ASMTL: variants seen among roughly 807,000 people sequenced by gnomAD.
ASMTL encodes probable bifunctional dTTP/UTP pyrophosphatase/methyltransferase protein.
A neutral mutation model predicts 60.3 loss-of-function variants in ASMTL; 57 were observed. That is an observed-to-expected ratio of 0.95 (90% CI 0.76 to 1.18). The LOEUF (loss-of-function observed/expected upper bound fraction) is 1.18, where lower values mean the gene tolerates loss of function less well. ASMTL is among the 50% of genes most tolerant of loss of function. ASMTL has a pLI of 0.00. For missense variants in ASMTL, 981 were observed against 852.6 expected (o/e 1.15, Z -1.88); for synonymous variants, 419 against 373.0 (o/e 1.12, Z -1.42).
intron 1 of ASMTL, among the ~76,000 whole-genome samples, chrX:1,443,018 T>TG (rs1457885292): frequency 1.1e-4 from 17 of 151,736 alleles, no homozygotes; most frequent in Admixed American, 6.6e-5. Context: ...ACCGCCATCT[T>TG]GGAGAGACAC....
chrX:1,412,938 A>C, intron 11 of ASMTL, 84 bp from the exon 12 acceptor site: 1 of 1,493,304 alleles, frequency 6.7e-7, no homozygotes, highest in Non-Finnish European at 9.3e-7. Flanking sequence ...GGCCACCCGC[A>C]TCCTAAATCA....
intron 8 of ASMTL, among the ~76,000 whole-genome samples, chrX:1,422,450 C>A (rs1404893437): frequency 1.3e-5 from 2 of 152,082 alleles, no homozygotes; most frequent in African/African-American, 4.8e-5. Context: ...GATAAATCTC[C>A]TAGGTTATAT....
intron 1 of ASMTL, among the ~76,000 whole-genome samples, chrX:1,443,862 G>A (rs73621902): frequency 0.014 from 2,074 of 148,852 alleles, 54 homozygotes; most frequent in African/African-American, 0.05. Context: ...CACCACCATC[G>A]TGGACAGACA....
intron 11 of ASMTL, chrX:1,413,113 A>G (rs2090099570): frequency 2.0e-6 from 1 of 488,994 alleles, no homozygotes; most frequent in Admixed American, 3.2e-5. Flanking sequence ...CTGTAATCTC[A>G]GCATTTTGGG....
At chrX:1,431,276 T>A (rs2090776364) in intron 6 of ASMTL, among the ~76,000 whole-genome samples, 1 of 130,066 alleles carries the variant, frequency 7.7e-6, no homozygotes, top group Non-Finnish European at 1.5e-5. Flanking sequence ...TATATTTATA[T>A]ATAAATAAAA....
chrX:1,431,267 A>C (rs1220166040), intron 6 of ASMTL, among the ~76,000 whole-genome samples: 5 of 128,358 alleles, frequency 3.9e-5, no homozygotes, highest in Non-Finnish European at 3.1e-5. Context: ...ATGTAATTAT[A>C]TATTTATATA....
intron 12 of ASMTL, among the ~76,000 whole-genome samples, chrX:1,411,236 A>G (rs1267697093): frequency 1.0e-3 from 9 of 8,638 alleles, no homozygotes; most frequent in South Asian, 0.1. Flanking sequence ...AAGGAGAGAC[A>G]GAGGGAGAGA....
chrX:1,418,672 G>A (rs1473014779), intron 10 of ASMTL, among the ~76,000 whole-genome samples: 2 of 152,042 alleles, frequency 1.3e-5, no homozygotes, highest in South Asian at 2.1e-4. Flanking sequence ...CCAGGGCTGG[G>A]GTGGGGTGGA....
chrX:1,415,491 G>T (rs1382297163), intron 11 of ASMTL, among the ~76,000 whole-genome samples: 2 of 146,792 alleles, frequency 1.4e-5, no homozygotes, highest in Admixed American at 6.8e-5. Flanking sequence ...TTGAGATGGA[G>T]TTTCGCTCTT....
intron 6 of ASMTL, 200 bp from the exon 7 acceptor site, chrX:1,428,321 TCA>T: frequency 6.2e-5 from 3 of 48,406 alleles, no homozygotes; most frequent in Non-Finnish European, 1.1e-4. Context: ...CTTTGGCATC[TCA>T]AAAAAAAAAA....
chrX:1,432,170 G>A, intron 6 of ASMTL, 99 bp downstream of exon 6: 2 of 987,844 alleles, frequency 2.0e-6, no homozygotes, highest in Non-Finnish European at 3.1e-6. Flanking sequence ...CCGGAGCGGG[G>A]CCTCCTTCTT....
chrX:1,431,612 A>G lies in ASMTL; in HGVS notation c.509+657T>C, dbSNP rs2090791027. On this transcript the variant is annotated intron_variant, in intron 6 of 12. Coordinates refer to ENST00000381317, the MANE Select transcript of ASMTL (RefSeq NM_004192.4). ...ATATTACAGTATAATCTATTATAGTATATAATACAATATATTATAAATATA... is the reference window on the plus strand; with the variant it reads ...ATATTACAGTATAATCTATTATAGTGTATAATACAATATATTATAAATATA... 6.9e-5 allele frequency among the ~76,000 whole-genome samples: 10 copies of G among 144,554 alleles called. No homozygotes were observed. In the South Asian group the frequency reaches 2.1e-3, roughly 30 times the overall value. The allele number at this position is 144,554 out of a possible 152,430, so 94.8% of individuals were successfully genotyped here. A position where few individuals can be genotyped will look rare whatever the true frequency, so the allele number is the denominator to read the frequency against.
chrX:1,427,984 C>T lies in ASMTL; in HGVS notation c.647G>A (p.Arg216His), dbSNP rs1472476331. The T allele has an allele frequency of 1.1e-5, 18 of 1,613,142 alleles. No individual in the cohort carries two copies. Among genetic ancestry groups the T allele is most frequent in the South Asian group, 4.4e-5 (4 of 91,076 alleles). Residue 216 changes from arginine (R) to histidine (H), a missense_variant, in exon 7 of 13, where the codon CGT (arginine) becomes CAT (histidine). Arg to His is a conservative substitution (Grantham distance 29, BLOSUM62 0). Coordinates refer to ENST00000381317, the MANE Select transcript of ASMTL (RefSeq NM_004192.4). ...KQLVKLYYPPRPEDLRRSVKH... is the reference protein window; with the variant it reads ...KQLVKLYYPPHPEDLRRSVKH... The stretch of plus-strand genomic sequence containing the variant: ...GACACTCCGCCGCAGGTCCTCCGGA[C>T]GGGGCGGGTAGTAGAGCTTCACCAG...
chrX:1,446,103 A>C (rs191559894), intron 1 of ASMTL, among the ~76,000 whole-genome samples: 2 of 152,190 alleles, frequency 1.3e-5, no homozygotes, highest in South Asian at 4.1e-4. Flanking sequence ...CTCTGCCTTT[A>C]GTTAGCAGGA....
chrX:1,419,572 GCTCCTCC>G (rs2090417129), intron 9 of ASMTL, among the ~76,000 whole-genome samples: 2 of 151,860 alleles, frequency 1.3e-5, no homozygotes, highest in African/African-American at 4.8e-5. Context: ...CAGAGGAGAA[GCTCCTCC>G]GAGCTTCTCC....
In ASMTL at chrX:1,450,075, TG is replaced by T. The variant is rs200004534; in HGVS notation, c.93+2672del. 2.6e-3 allele frequency among the ~76,000 whole-genome samples: 381 copies of T among 148,720 alleles called. 4 individuals carry two copies. The East Asian group carries it at 0.032, about 13-fold the overall frequency. On this transcript the variant is annotated intron_variant, in intron 1 of 12. Transcript: ENST00000381317. ...ACTATCCTTCCATCACCAGTAACTA[TG>T]CCCCCATCACCAGTAACTATCCCAT... is the stretch of plus-strand genomic sequence containing the variant.
chrX:1,427,425 T>G (rs1343211953), intron 7 of ASMTL, among the ~76,000 whole-genome samples: 39 of 151,584 alleles, frequency 2.6e-4, no homozygotes, highest in African/African-American at 9.5e-4. Context: ...AAGGGTGGAC[T>G]CCAAGTCCAA....
At chrX:1,424,141 C>T (rs1389726908) in intron 8 of ASMTL, among the ~76,000 whole-genome samples, 5 of 149,408 alleles carry the variant, frequency 3.3e-5, no homozygotes, top group African/African-American at 1.2e-4. Flanking sequence ...TCCATTCATT[C>T]CCCCACCCAT....
intron 11 of ASMTL, among the ~76,000 whole-genome samples, chrX:1,413,296 A>T (rs1264359575): frequency 6.6e-6 from 1 of 152,168 alleles, no homozygotes; most frequent in Non-Finnish European, 1.5e-5. Context: ...TGGGAGGTGG[A>T]GGTTGCAGTG....
Sources: allele counts gnomAD v4.1 joint callset (sites outside exome capture counted in the v4.1 genomes callset), GRCh38; gene constraint gnomAD v4.1.1; transcripts MANE v1.5; gene names NCBI Gene and HGNC (gene_info 2026-07-23, HGNC 2026-07-21).